CELF2: variants seen among roughly 807,000 people sequenced by gnomAD.
CELF2 encodes the protein CUGBP Elav-like family member 2, also known as CUG triplet repeat RNA-binding protein 2.
In CELF2, 8 loss-of-function variants were observed where a neutral mutation model predicts 62.6. That is an observed-to-expected ratio of 0.13 (90% CI 0.07 to 0.23). The LOEUF (loss-of-function observed/expected upper bound fraction) is 0.23. Among genes scored for constraint, CELF2 ranks in the 10% least tolerant of loss-of-function variants. CELF2 has a pLI of 1.00. For missense variants in CELF2, 333 were observed against 671.0 expected (o/e 0.50, Z 5.56); for synonymous variants, 258 against 250.0 (o/e 1.03, Z -0.30).
At chr10:11,071,195 C>T (rs2069850770) in intron 1 of CELF2, among the ~76,000 whole-genome samples, 1 of 152,206 alleles carries the variant, frequency 6.6e-6, no homozygotes, top group Non-Finnish European at 1.5e-5. Context: ...AATTGTCGTG[C>T]TTCCCTGAGT....
chr10:10,541,864 C>A, the CELF2 span, among the ~76,000 whole-genome samples: 1 of 152,168 alleles, frequency 6.6e-6, no homozygotes, highest in East Asian at 1.9e-4. Context: ...GGGAATGCAG[C>A]TCAGTAGGTC....
intron 1 of CELF2, among the ~76,000 whole-genome samples, chr10:10,810,434 G>A (rs1465065277): frequency 6.6e-6 from 1 of 150,486 alleles, no homozygotes; most frequent in Non-Finnish European, 1.5e-5. Context: ...TTTCCAATTA[G>A]TTTTTCTTTG....
the CELF2 span, among the ~76,000 whole-genome samples, chr10:10,493,697 A>G: frequency 6.6e-6 from 1 of 152,046 alleles, no homozygotes; most frequent in East Asian, 1.9e-4. Flanking sequence ...ACATACAGCT[A>G]ATTTTTGTAT....
At chr10:10,779,557 C>G in the CELF2 span, among the ~76,000 whole-genome samples, 1 of 152,062 alleles carries the variant, frequency 6.6e-6, no homozygotes, top group South Asian at 2.1e-4. Flanking sequence ...CTGTGGAAAA[C>G]TTTCTAGCTA....
the CELF2 span, among the ~76,000 whole-genome samples, chr10:10,657,594 GA>G: frequency 6.6e-6 from 1 of 151,834 alleles, no homozygotes; most frequent in South Asian, 2.1e-4. Flanking sequence ...TGTTGAATAA[GA>G]AAAAAAGAAT....
chr10:10,873,251 A>G (rs921685341), intron 1 of CELF2, among the ~76,000 whole-genome samples: 5 of 152,158 alleles, frequency 3.3e-5, no homozygotes, highest in African/African-American at 7.2e-5. Context: ...AATTTGCAGC[A>G]GTCAATGAGC....
intron 1 of CELF2, among the ~76,000 whole-genome samples, chr10:10,875,369 T>C (rs1429742439): frequency 6.6e-6 from 1 of 152,256 alleles, no homozygotes; most frequent in Non-Finnish European, 1.5e-5. Context: ...TTTTTATGGA[T>C]TTTTACGTGT....
At position 11,110,586 on chromosome 10, in the gene CELF2, AGAG is replaced by A. The variant is rs1416968810; in HGVS notation, c.75-54896_75-54894del. Reference sequence around the variant, plus strand: ...GTCATGTCCCTAAGCAGAGCATCAGAGAGGAGAAGAGAGGAGGAGGCCTGGGTG... The same window carrying A: ...GTCATGTCCCTAAGCAGAGCATCAGAGAGAAGAGAGGAGGAGGCCTGGGTG... On this transcript the variant is annotated intron_variant, in intron 1 of 12. Coordinates refer to ENST00000633077, the MANE Select transcript of CELF2 (RefSeq NM_001326342.2). This position sits in a 1 kb window ranked among gnomAD's most constrained non-coding sequence, Gnocchi z 4.0. 6.6e-6 allele frequency among the ~76,000 whole-genome samples: 1 copy of A among 152,186 alleles called. No homozygotes were observed. The highest frequency in any genetic ancestry group is 1.5e-5 in the Non-Finnish European group (1 of 68,030).
the CELF2 span, among the ~76,000 whole-genome samples, chr10:10,641,892 T>C: frequency 6.6e-6 from 1 of 152,210 alleles, no homozygotes; most frequent in South Asian, 2.1e-4. Flanking sequence ...TAATTCCCCC[T>C]CCTTTTTCTC....
chr10:10,658,939 T>C, the CELF2 span, among the ~76,000 whole-genome samples: 1 of 152,204 alleles, frequency 6.6e-6, no homozygotes, highest in African/African-American at 2.4e-5. Flanking sequence ...TCTCTTTGGT[T>C]TGAAGGGCAT....
intron 1 of CELF2, among the ~76,000 whole-genome samples, chr10:10,874,000 G>A (rs1375339295): frequency 6.6e-6 from 1 of 152,112 alleles, no homozygotes; most frequent in Non-Finnish European, 1.5e-5. Context: ...TGTAAATAAT[G>A]TGCTGAAATT....
chr10:11,174,492 G>C (rs2070259716), intron 2 of CELF2, among the ~76,000 whole-genome samples: 1 of 152,146 alleles, frequency 6.6e-6, no homozygotes, highest in Non-Finnish European at 1.5e-5. Flanking sequence ...TCACATTGGA[G>C]AAACCCATAA....
chr10:11,152,262 C>A (rs915085227), intron 1 of CELF2, among the ~76,000 whole-genome samples: 1 of 152,168 alleles, frequency 6.6e-6, no homozygotes, highest in Non-Finnish European at 1.5e-5. Flanking sequence ...AAGAAAAGAA[C>A]TTTGTGACAC....
the CELF2 span, among the ~76,000 whole-genome samples, chr10:10,616,674 TCGTGTGTGTGTGTGTG>T: frequency 7.2e-6 from 1 of 138,702 alleles, no homozygotes; most frequent in African/African-American, 2.9e-5. Context: ...TCACCCAAAT[TCGTGTGTGTGTGTGTG>T]CGTGTGTGTG....
intron 11 of CELF2, among the ~76,000 whole-genome samples, chr10:11,322,701 C>T (rs957600030): frequency 2.0e-5 from 3 of 151,512 alleles, no homozygotes; most frequent in African/African-American, 7.3e-5. Context: ...ATGGATATCA[C>T]TTTTAAAATG....
At chr10:10,558,328 G>A in the CELF2 span, among the ~76,000 whole-genome samples, 22 of 151,456 alleles carry the variant, frequency 1.5e-4, no homozygotes, top group Non-Finnish European at 3.0e-4. Flanking sequence ...TTTATATGCT[G>A]GATTACATTT....
At chr10:10,867,793 C>G (rs2060480831) in intron 1 of CELF2, among the ~76,000 whole-genome samples, 1 of 152,222 alleles carries the variant, frequency 6.6e-6, no homozygotes, top group South Asian at 2.1e-4. Flanking sequence ...AATCCCAGCC[C>G]CAGGCTGATG....
At position 10,833,509 on chromosome 10, in the gene CELF2, G is replaced by A. The variant is rs561890432; in HGVS notation, c.53+34692G>A. ...TCAGTTAGAAAGTAGATAATTAGGG[G>A]CAGGCAGCATTATCTCATTTATTCC... On this transcript the variant is annotated intron_variant, in intron 1 of 13. Transcript: ENST00000636488. 2.6e-5 allele frequency among the ~76,000 whole-genome samples: 4 copies of A among 152,292 alleles called. No homozygotes were observed. The East Asian group carries it at 5.8e-4, about 22-fold the overall frequency.
chr10:10,651,573 G>A, the CELF2 span, among the ~76,000 whole-genome samples: 50 of 132,570 alleles, frequency 3.8e-4, no homozygotes, highest in African/African-American at 7.2e-4. Flanking sequence ...CCTGACCCCC[G>A]AGCAGCCTAA....
Sources: gnomAD v4.1 joint callset for allele counts (sites outside exome capture counted in the v4.1 genomes callset) on GRCh38, gnomAD v4.1.1 for gene constraint, Gnocchi (gnomAD v3.1) non-coding constraint, MANE v1.5 for transcripts, NCBI Gene and HGNC (gene_info 2026-07-23, HGNC 2026-07-21) for gene names.